Variants in CELF2 observed in about 807,000 individuals in gnomAD.
The protein encoded by CELF2 is CUGBP Elav-like family member 2.
A neutral mutation model predicts 62.6 loss-of-function variants in CELF2; 8 were observed. The observed-to-expected ratio is 0.13, with a 90% CI of 0.07 to 0.23. The LOEUF (loss-of-function observed/expected upper bound fraction) is 0.23, where lower values mean the gene tolerates loss of function less well. Ranked by LOEUF, CELF2 falls within the 10% of genes least tolerant of loss-of-function variation. The pLI, the probability that CELF2 is intolerant of heterozygous loss-of-function variation, is 1.00. For missense variants in CELF2, 333 were observed against 671.0 expected (o/e 0.50, Z 5.56); for synonymous variants, 258 against 250.0 (o/e 1.03, Z -0.30).
chr10:10,526,868 C>T, the CELF2 span, among the ~76,000 whole-genome samples: 2 of 152,216 alleles, frequency 1.3e-5, no homozygotes, highest in Non-Finnish European at 2.9e-5. Context: ...AACAACCACT[C>T]AGAGCTGGAC....
intron 1 of CELF2, among the ~76,000 whole-genome samples, chr10:11,142,966 GA>G (rs2061620085): frequency 6.9e-6 from 1 of 144,428 alleles, no homozygotes; most frequent in African/African-American, 2.7e-5. Context: ...TCCACTGGGG[GA>G]ACTCACTCCC....
chr10:10,850,064 G>A (rs568201781), intron 1 of CELF2, among the ~76,000 whole-genome samples: 72 of 152,100 alleles, frequency 4.7e-4, no homozygotes, highest in Non-Finnish European at 8.4e-4. Context: ...AAGGAATATC[G>A]CTTGAACCTG....
chr10:10,775,744 C>T, the CELF2 span, among the ~76,000 whole-genome samples: 1 of 152,056 alleles, frequency 6.6e-6, no homozygotes, highest in African/African-American at 2.4e-5. Flanking sequence ...GATAGGAGAC[C>T]AATGAGGAGT....
At chr10:11,203,390 A>G (rs1427295106) in intron 2 of CELF2, among the ~76,000 whole-genome samples, 1 of 152,248 alleles carries the variant, frequency 6.6e-6, no homozygotes, top group East Asian at 1.9e-4. Flanking sequence ...CACATCACGT[A>G]CAAGGACCAT....
At chr10:10,751,172 T>C in the CELF2 span, among the ~76,000 whole-genome samples, 1 of 152,212 alleles carries the variant, frequency 6.6e-6, no homozygotes, top group Non-Finnish European at 1.5e-5. Flanking sequence ...AGCAAAACCT[T>C]TCTGGGATCT....
chr10:11,122,285 C>T (rs2057911489), intron 1 of CELF2, among the ~76,000 whole-genome samples: 1 of 152,168 alleles, frequency 6.6e-6, no homozygotes, highest in Admixed American at 6.5e-5. Flanking sequence ...CCTTGCTTTG[C>T]AACCTCATGC....
At chr10:10,555,125 C>T in the CELF2 span, among the ~76,000 whole-genome samples, 34 of 151,878 alleles carry the variant, frequency 2.2e-4, no homozygotes, top group Non-Finnish European at 1.5e-4. Flanking sequence ...AGGGTGACAC[C>T]GTGGTTTTTT....
In CELF2 at chr10:11,053,138, G is replaced by A. The variant is rs190960721; in HGVS notation, c.74+34975G>A. Among the ~76,000 whole-genome samples the A allele has an allele frequency of 1.1e-4, 17 of 152,298 alleles. No individual in the cohort carries two copies. The East Asian group carries it at 3.3e-3, about 29-fold the overall frequency. The stretch of plus-strand genomic sequence containing the variant: ...CTGCAGAAGAATCCAATTCATCTAT[G>A]CCTTTGAATTATCAACCATAAACAC... On this transcript the variant is annotated intron_variant, in intron 1 of 12. Transcript: ENST00000633077.
At chr10:10,874,222 G>A (rs530431164) in intron 1 of CELF2, among the ~76,000 whole-genome samples, 1 of 152,160 alleles carries the variant, frequency 6.6e-6, no homozygotes, top group Non-Finnish European at 1.5e-5. Flanking sequence ...GGAGGCTGAG[G>A]TAGGAGGATT....
chr10:10,520,566 G>A, the CELF2 span, among the ~76,000 whole-genome samples: 2 of 152,268 alleles, frequency 1.3e-5, no homozygotes, highest in Admixed American at 6.5e-5. Context: ...GAAATGACAT[G>A]TAAAGGGAAA....
chr10:10,942,493 T>C (rs2047161137), intron 2 of CELF2, among the ~76,000 whole-genome samples: 1 of 152,242 alleles, frequency 6.6e-6, no homozygotes, highest in Non-Finnish European at 1.5e-5. Flanking sequence ...TTCCTTGCCA[T>C]GTGGGCCTTT....
intron 1 of CELF2, among the ~76,000 whole-genome samples, chr10:10,915,150 G>A (rs12258910): frequency 2.6e-5 from 3 of 116,952 alleles, no homozygotes; most frequent in African/African-American, 1.3e-4. Flanking sequence ...AAAAAAAAAA[G>A]ATTTTTTAGT....
chr10:10,731,910 C>T, the CELF2 span, among the ~76,000 whole-genome samples: 2 of 152,204 alleles, frequency 1.3e-5, no homozygotes, highest in African/African-American at 4.8e-5. Flanking sequence ...CTGTGCTGAG[C>T]CCCGCATGCC....
intron 2 of CELF2, among the ~76,000 whole-genome samples, chr10:11,173,212 C>A (rs2069575119): frequency 6.6e-6 from 1 of 152,198 alleles, no homozygotes; most frequent in South Asian, 2.1e-4. Context: ...CATTAGGCAA[C>A]CAGTCCTTTG....
At chr10:10,463,584 A>G in the CELF2 span, among the ~76,000 whole-genome samples, 2 of 152,300 alleles carry the variant, frequency 1.3e-5, no homozygotes, top group South Asian at 2.1e-4. Context: ...AAACATAGAC[A>G]TCTCTTTTTT....
At chr10:10,623,580 T>C in the CELF2 span, among the ~76,000 whole-genome samples, 1 of 152,136 alleles carries the variant, frequency 6.6e-6, no homozygotes, top group Non-Finnish European at 1.5e-5. Context: ...ACATGGTACC[T>C]GCTTTAGTAG....
intron 2 of CELF2, among the ~76,000 whole-genome samples, chr10:10,939,277 G>GTTGTTGTTGTTGTTGT (rs1564851300): frequency 2.1e-4 from 30 of 144,324 alleles, no homozygotes; most frequent in African/African-American, 7.5e-4. Flanking sequence ...TTGTTTTGTG[G>GTTGTTGTTGTTGTTGT]TGTTGTTGTT....
chr10:10,666,214 G>T, the CELF2 span, among the ~76,000 whole-genome samples: 1 of 152,220 alleles, frequency 6.6e-6, no homozygotes, highest in African/African-American at 2.4e-5. Flanking sequence ...CAGATGAAAA[G>T]TCTCAGTAAA....
At chr10:10,788,288 T>A in the CELF2 span, among the ~76,000 whole-genome samples, 4 of 152,002 alleles carry the variant, frequency 2.6e-5, no homozygotes, top group East Asian at 7.7e-4. Context: ...TTGTACCCCC[T>A]AAAAGGGTGA....
Sources: gnomAD v4.1 joint callset for allele counts (sites outside exome capture counted in the v4.1 genomes callset) on GRCh38, gnomAD v4.1.1 for gene constraint, MANE v1.5 for transcripts, NCBI Gene and HGNC (gene_info 2026-07-23, HGNC 2026-07-21) for gene names.